Variants in CSF2RA observed in about 807,000 individuals in gnomAD.
The protein encoded by CSF2RA is granulocyte-macrophage colony-stimulating factor receptor subunit alpha.
CSF2RA carries 42 observed loss-of-function variants against 51.6 expected under a neutral mutation model. The observed-to-expected ratio is 0.81, with a 90% CI of 0.64 to 1.05. CSF2RA has a LOEUF of 1.05. Among genes scored for constraint, CSF2RA ranks in the 50% least tolerant of loss-of-function variants. The pLI is 0.00. For missense variants in CSF2RA, 530 were observed against 501.1 expected (o/e 1.06, Z -0.55); for synonymous variants, 222 against 193.0 (o/e 1.15, Z -1.24).
chrX:1,273,223 A>C (rs1326050132), intron 1 of CSF2RA, among the ~76,000 whole-genome samples: 1 of 152,066 alleles, frequency 6.6e-6, no homozygotes, highest in Non-Finnish European at 1.5e-5. Flanking sequence ...AACCCTGTAT[A>C]TCGTGACTTA....
At chrX:1,303,852 G>A (rs767183766) in intron 10 of CSF2RA, 71 bp from the exon 11 acceptor site, 209 of 1,315,606 alleles carry the variant, frequency 1.6e-4, no homozygotes, top group Non-Finnish European at 2.1e-4. Context: ...TTGGACACCC[G>A]AAGAGATTTA....
At position 1,303,948 on chromosome X, in the gene CSF2RA, T is replaced by G. The variant is rs372852278; in HGVS notation, c.972T>G (p.Ser324=). 4.8e-5 allele frequency: 77 copies of G among 1,613,624 alleles called. No homozygotes were observed. In the African/African-American group the frequency reaches 9.1e-4, roughly 19 times the overall value. The change falls in exon 11 of 13, where the codon TCT becomes TCG. Residue 324 remains serine, a synonymous_variant. Coordinates refer to ENST00000381529, the MANE Select transcript of CSF2RA (RefSeq NM_172245.4). The stretch of plus-strand genomic sequence containing the variant: ...GTTCTGACGACGGGAACCTCGGCTC[T>G]GTGTACATTTATGTGCTCCTAATCG... The part of the protein sequence containing the change: ...EFGSDDGNLG[S]VYIYVLLIVG...
chrX:1,298,749 CATGACCCCCA>C (rs67674049), intron 9 of CSF2RA, among the ~76,000 whole-genome samples: 105,972 of 137,860 alleles, frequency 0.77, 41,845 homozygotes, highest in Non-Finnish European at 0.81. Flanking sequence ...TGTAACCCCA[CATGACCCCCA>C]GTGTAACCCT....
At chrX:1,295,920 C>CTGG (rs2091902242) in intron 9 of CSF2RA, among the ~76,000 whole-genome samples, 1 of 137,344 alleles carries the variant, frequency 7.3e-6, no homozygotes, top group Non-Finnish European at 1.6e-5. Context: ...CGATGACCTC[C>CTGG]AGCGTAACCC....
chrX:1,280,471 C>CAAA (rs750353851), intron 2 of CSF2RA, among the ~76,000 whole-genome samples: 5 of 129,398 alleles, frequency 3.9e-5, no homozygotes, highest in Non-Finnish European at 6.6e-5. Flanking sequence ...AACTCCGTCT[C>CAAA]AAAAAAAAAA....
In CSF2RA at chrX:1,285,909, G is replaced by A. The variant is rs747486085; in HGVS notation, c.208G>A (p.Val70Met). 19 of 1,613,794 alleles carry A rather than the reference G, an allele frequency of 1.2e-5. No individual in the cohort carries two copies. Among genetic ancestry groups the A allele is most frequent in the Middle Eastern group, 1.7e-4 (1 of 6,056 alleles). The change falls in exon 4 of 13, where the codon GTG (valine) becomes ATG (methionine). Residue 70 changes from valine (V) to methionine (M), a missense_variant. Transcript: ENST00000381529. ...CTTAACTGACAAGAAGAACAGAGTC[G>A]TGGAACCCAGGGTGAGACGAATTTC... ...CFLTDKKNRV[V>M]EPRLSNNECS...
intron 6 of CSF2RA, among the ~76,000 whole-genome samples, chrX:1,289,819 GTTT>G (rs1569502499): frequency 1.9e-4 from 22 of 117,874 alleles, no homozygotes; most frequent in Admixed American, 8.9e-4. Flanking sequence ...GTTTTGTTTT[GTTT>G]TGTGTTTGTT....
chrX:1,304,650 T>G (rs377159171), intron 11 of CSF2RA, among the ~76,000 whole-genome samples: 13 of 115,912 alleles, frequency 1.1e-4, no homozygotes, highest in Admixed American at 1.9e-4. Context: ...GTGGGTTTTT[T>G]TTTGTTTGTT....
chrX:1,323,531 T>C, the CSF2RA span, among the ~76,000 whole-genome samples: 51 of 152,038 alleles, frequency 3.4e-4, 2 homozygotes, highest in East Asian at 9.7e-3. Context: ...TCCCAGCAGC[T>C]CTCAGGTGGT....
At chrX:1,280,656 T>C (rs1458773217) in intron 2 of CSF2RA, among the ~76,000 whole-genome samples, 1 of 139,442 alleles carries the variant, frequency 7.2e-6, no homozygotes, top group Non-Finnish European at 1.6e-5. Flanking sequence ...CCCTTCCTCC[T>C]CTTCCTCCTC....
intron 3 of CSF2RA, 61 bp from the exon 4 acceptor site, chrX:1,285,701 CAAAAAAAAAAAAAAAA>C (rs374606414): frequency 1.7e-4 from 145 of 873,504 alleles, no homozygotes; most frequent in African/African-American, 6.2e-4. Flanking sequence ...GACTCCGTCT[CAAAAAAAAAAAAAAAA>C]AAAAAAAAAA....
downstream of CSF2RA, among the ~76,000 whole-genome samples, chrX:1,314,403 CCTGCCT>C: frequency 6.8e-6 from 1 of 148,114 alleles, no homozygotes; most frequent in Admixed American, 7.2e-5. Flanking sequence ...CCACACTGCA[CCTGCCT>C]AACCGTACTG....
In CSF2RA at chrX:1,288,836, G is replaced by A. The variant is rs781605907; in HGVS notation, c.421G>A (p.Gly141Ser). ...ADLMNCTWAR[G>S]PTAPRDVQYF... ...TTTAATGAACTGTACCTGGGCGAGG[G>A]GTCCGACGGCCCCCCGTGACGTCCA... is the stretch of plus-strand genomic sequence containing the variant. The change falls in exon 6 of 13, where the codon GGT becomes AGT. Residue 141 changes from glycine (G) to serine (S), a missense_variant. Physicochemically the swap from Gly to Ser is moderately conservative, Grantham distance 56 (BLOSUM62 0). Transcript: ENST00000381529. 6.2e-7 allele frequency: 1 copy of A among 1,613,896 alleles called. No individual in the cohort carries two copies.
intron 7 of CSF2RA, 69 bp from the exon 8 acceptor site, chrX:1,294,259 A>G (rs1336051076): frequency 6.3e-7 from 1 of 1,587,956 alleles, no homozygotes; most frequent in Non-Finnish European, 8.6e-7. Flanking sequence ...ACTCTGCACC[A>G]CCTCCACCTG....
At chrX:1,279,989 C>T (rs756840497) in intron 2 of CSF2RA, among the ~76,000 whole-genome samples, 35 of 152,016 alleles carry the variant, frequency 2.3e-4, no homozygotes, top group African/African-American at 7.9e-4. Flanking sequence ...GAGGTTTCAC[C>T]GTATTAGCCA....
At chrX:1,287,309 A>T (rs1338812319) in intron 4 of CSF2RA, 4 of 151,076 alleles carry the variant, frequency 2.6e-5, no homozygotes, top group Admixed American at 2.6e-4. Context: ...GCGTGCCACC[A>T]CGCCTGGCTA....
intron 11 of CSF2RA, 140 bp downstream of exon 11, chrX:1,304,159 A>G (rs2083295828): frequency 1.3e-6 from 1 of 760,876 alleles, no homozygotes; most frequent in African/African-American, 2.1e-5. Flanking sequence ...CTGTAATCCC[A>G]GCACTCTGGG....
At chrX:1,312,675 G>C (rs2084239757), downstream of CSF2RA, among the ~76,000 whole-genome samples, 1 of 152,106 alleles carries the variant, frequency 6.6e-6, no homozygotes, top group South Asian at 2.1e-4. Flanking sequence ...AGGTGGTCTA[G>C]GGCCTACAGG....
At chrX:1,318,916 CA>C in the CSF2RA span, among the ~76,000 whole-genome samples, 73 of 137,244 alleles carry the variant, frequency 5.3e-4, no homozygotes, top group Admixed American at 6.6e-4. Context: ...GACTCCATCT[CA>C]AAAAAAAAAA....
Sources: gnomAD v4.1 joint callset for allele counts (sites outside exome capture counted in the v4.1 genomes callset) on GRCh38, gnomAD v4.1.1 for gene constraint, MANE v1.5 for transcripts, NCBI Gene and HGNC (gene_info 2026-07-23, HGNC 2026-07-21) for gene names.